The following ERGIC1 variants were observed in gnomAD, a reference collection of about 807,000 sequenced individuals.
ERGIC1 encodes endoplasmic reticulum-golgi intermediate compartment 1, also known as endoplasmic reticulum-Golgi intermediate compartment protein 1.
In ERGIC1, 19 loss-of-function variants were observed where a neutral mutation model predicts 38.3. That is an observed-to-expected ratio of 0.50 (90% CI 0.35 to 0.73). The LOEUF is 0.73. ERGIC1 is among the 30% of genes least tolerant of loss of function. The probability of loss-of-function intolerance (pLI) is 0.01; values close to 1 mark genes in which losing one functional copy is unlikely to be tolerated. For synonymous variants in ERGIC1, 124 were observed against 157.6 expected (o/e 0.79, Z 1.60); for missense variants, 294 against 389.2 (o/e 0.76, Z 2.06).
chr5:172,910,591 C>A (rs887682448), intron 4 of ERGIC1, among the ~76,000 whole-genome samples: 2 of 147,796 alleles, frequency 1.4e-5, no homozygotes, highest in African/African-American at 2.6e-5. Flanking sequence ...ATGGCACGAT[C>A]TTGGCTCACT....
intron 1 of ERGIC1, among the ~76,000 whole-genome samples, chr5:172,859,493 A>G (rs1400930792): frequency 1.3e-5 from 2 of 151,858 alleles, no homozygotes; most frequent in Non-Finnish European, 2.9e-5. Context: ...GGGTGGGAAA[A>G]AAAAATGTCC....
intron 1 of ERGIC1, among the ~76,000 whole-genome samples, chr5:172,857,443 C>G (rs1433654945): frequency 6.6e-6 from 1 of 152,154 alleles, no homozygotes; most frequent in Non-Finnish European, 1.5e-5. Context: ...GGAGACTTCT[C>G]TTGAGCCTGG....
chr5:172,888,157 GA>G (rs1762467612), intron 1 of ERGIC1, among the ~76,000 whole-genome samples: 1 of 152,170 alleles, frequency 6.6e-6, no homozygotes, highest in Non-Finnish European at 1.5e-5. Context: ...CACTCTGATG[GA>G]AGACCCACCG....
chr5:172,858,842 G>T (rs1326560172), intron 1 of ERGIC1, among the ~76,000 whole-genome samples: 3 of 152,210 alleles, frequency 2.0e-5, no homozygotes, highest in African/African-American at 4.8e-5. Context: ...CCAGATGTTT[G>T]GGGCCAAAGT....
intron 1 of ERGIC1, among the ~76,000 whole-genome samples, chr5:172,872,963 T>C (rs966660692): frequency 1.3e-5 from 2 of 152,176 alleles, no homozygotes; most frequent in Non-Finnish European, 2.9e-5. Flanking sequence ...CATGGCTCCT[T>C]CCCCTAAATA....
rs1252522764 is a variant in ERGIC1 at position 172,923,088 on chromosome 5, AGGAGG to A, written c.376-915_376-911del. Among the ~76,000 whole-genome samples, 197 of 132,660 alleles carry A rather than the reference AGGAGG, an allele frequency of 1.5e-3. 1 individual carries two copies. The highest frequency in any genetic ancestry group is 5.1e-3 in the African/African-American group (189 of 36,982). 87.0% of individuals were successfully genotyped at this position (132,660 alleles called of 152,430 possible). A position where few individuals can be genotyped will look rare whatever the true frequency, so the allele number is the denominator to read the frequency against. On this transcript the variant is annotated intron_variant, in intron 5 of 9. Coordinates refer to ENST00000393784, the MANE Select transcript of ERGIC1 (RefSeq NM_001031711.3). ...CTGAGCATCTAGGAGGAGGAGGAGG[AGGAGG>A]GTTCCAGGATCATACCAAGGGTTCT... is the stretch of plus-strand genomic sequence containing the variant.
intron 9 of ERGIC1, among the ~76,000 whole-genome samples, chr5:172,945,754 G>A (rs767121676): frequency 3.3e-5 from 5 of 152,074 alleles, no homozygotes; most frequent in Non-Finnish European, 5.9e-5. Context: ...GCTGAATCTC[G>A]ACTCACTGCA....
At chr5:172,922,962 G>A (rs1047626117) in intron 5 of ERGIC1, among the ~76,000 whole-genome samples, 4 of 152,168 alleles carry the variant, frequency 2.6e-5, no homozygotes, top group South Asian at 4.1e-4. Flanking sequence ...GAGGTCAGGC[G>A]CCAGGTGTGT....
intron 6 of ERGIC1, among the ~76,000 whole-genome samples, 160 bp downstream of exon 6, chr5:172,924,269 C>G (rs1183132986): frequency 6.6e-6 from 1 of 152,206 alleles, no homozygotes; most frequent in Non-Finnish European, 1.5e-5. Context: ...AGGAACAGAA[C>G]AGGGAAATGG....
chr5:172,885,313 T>TG (rs1465989971), intron 1 of ERGIC1, among the ~76,000 whole-genome samples: 3 of 150,308 alleles, frequency 2.0e-5, no homozygotes, highest in Non-Finnish European at 4.4e-5. Flanking sequence ...TCATTTTTTT[T>TG]TGTGGAGATG....
chr5:172,928,037 G>A (rs144714420), intron 7 of ERGIC1, among the ~76,000 whole-genome samples: 2 of 152,264 alleles, frequency 1.3e-5, no homozygotes, highest in African/African-American at 4.8e-5. Context: ...GCAAATGTCT[G>A]GTTGTAATAG....
chr5:172,885,737 A>G (rs1027092973), intron 1 of ERGIC1, among the ~76,000 whole-genome samples: 1 of 141,960 alleles, frequency 7.0e-6, no homozygotes, highest in Non-Finnish European at 1.6e-5. Flanking sequence ...TCTTAGGAGA[A>G]CCCACATGCC....
chr5:172,858,829 C>T (rs1761624266), intron 1 of ERGIC1, among the ~76,000 whole-genome samples: 1 of 152,212 alleles, frequency 6.6e-6, no homozygotes, highest in Non-Finnish European at 1.5e-5. Context: ...AGGCCCCTGC[C>T]AGCCAGATGT....
At chr5:172,914,538 G>A in intron 4 of ERGIC1, 176 bp from the exon 5 acceptor site, 1 of 1,031,192 alleles carries the variant, frequency 9.7e-7, no homozygotes. Flanking sequence ...CTCACGTTTA[G>A]CGGAGTCATT....
chr5:172,950,868 C>T lies in ERGIC1; in HGVS notation c.*52C>T, dbSNP rs1262135336. 4 of 1,511,478 alleles carry T rather than the reference C, an allele frequency of 2.6e-6. No homozygotes were observed. The highest frequency in any genetic ancestry group is 3.6e-6 in the Non-Finnish European group (4 of 1,104,004). The allele number at this position is 1,511,478 out of a possible 1,614,324, so 93.6% of individuals were successfully genotyped here. ...ACCCTGGGCATCGCCAGCCTTGCCT[C>T]CAGTGCCCTGTCTCCTTTGGCCCTC... is the stretch of plus-strand genomic sequence containing the variant. On this transcript the variant is annotated 3_prime_UTR_variant, in exon 10 of 10. Coordinates refer to ENST00000393784, the MANE Select transcript of ERGIC1 (RefSeq NM_001031711.3).
intron 1 of ERGIC1, chr5:172,867,600 T>A (rs959458336): frequency 2.5e-6 from 1 of 397,170 alleles, no homozygotes; most frequent in African/African-American, 2.1e-5. Flanking sequence ...CCCTGTCCTC[T>A]GGGTCCTGGC....
At chr5:172,900,916 G>A (rs746766409) in intron 3 of ERGIC1, among the ~76,000 whole-genome samples, 19 of 152,216 alleles carry the variant, frequency 1.2e-4, no homozygotes, top group African/African-American at 2.7e-4. Context: ...GGAGTTGCCC[G>A]AAGGGCCTCC....
At chr5:172,838,667 AGTC>A (rs1323802395) in intron 1 of ERGIC1, among the ~76,000 whole-genome samples, 1 of 152,132 alleles carries the variant, frequency 6.6e-6, no homozygotes, top group African/African-American at 2.4e-5. Context: ...CCTGGCCTCA[AGTC>A]ATCCTCCTTC....
intron 9 of ERGIC1, among the ~76,000 whole-genome samples, chr5:172,943,305 C>A (rs192387631): frequency 2.6e-5 from 4 of 152,124 alleles, no homozygotes; most frequent in Admixed American, 2.0e-4. Context: ...CCCAGGCCCC[C>A]GGAGCTCTGG....
Sources: allele counts gnomAD v4.1 joint callset (sites outside exome capture counted in the v4.1 genomes callset), GRCh38; gene constraint gnomAD v4.1.1; transcripts MANE v1.5; gene names NCBI Gene and HGNC (gene_info 2026-07-23, HGNC 2026-07-21).